Variants in RYR3 observed in about 807,000 individuals in gnomAD.
RYR3 encodes ryanodine receptor 3.
RYR3 carries 207 observed loss-of-function variants against 584.3 expected under a neutral mutation model. That is an observed-to-expected ratio of 0.35 (90% confidence interval 0.32 to 0.40). The LOEUF is 0.40. Ranked by LOEUF, RYR3 falls within the 10% of genes least tolerant of loss-of-function variation. The pLI is 1.00. For missense variants in RYR3, 5,616 were observed against 6,089.2 expected, an observed-to-expected ratio of 0.92 and a Z score of 2.59; for synonymous variants, 2,416 against 2,248.5, an observed-to-expected ratio of 1.07 and a Z score of -2.11.
intron 2 of RYR3, among the ~76,000 whole-genome samples, chr15:33,490,743 T>G (rs1432879425): frequency 1.2e-5 from 1 of 84,962 alleles, no homozygotes; most frequent in East Asian, 3.0e-4. Context: ...ATTACTCTTG[T>G]TAAAAAAAAA....
intron 99 of RYR3, 132 bp from the exon 100 acceptor site, chr15:33,859,443 G>C: frequency 1.2e-6 from 1 of 847,882 alleles, no homozygotes; most frequent in Non-Finnish European, 1.9e-6. Flanking sequence ...ATGAATACTG[G>C]CACCTCTGAA....
intron 1 of RYR3, among the ~76,000 whole-genome samples, chr15:33,435,645 G>A (rs532348181): frequency 6.6e-6 from 1 of 152,162 alleles, no homozygotes; most frequent in African/African-American, 2.4e-5. Flanking sequence ...CTAACTTCAA[G>A]AATGAAGCCA....
At chr15:33,582,074 T>C (rs877087) in intron 14 of RYR3, among the ~76,000 whole-genome samples, 77,536 of 152,106 alleles carry the variant, frequency 0.51, 20,793 homozygotes, top group African/African-American at 0.57. Flanking sequence ...GCCTGTAATT[T>C]ATTTCATTTT....
In RYR3 at chr15:33,442,734, G is replaced by C. The variant is rs569478436; in HGVS notation, c.52-30685G>C. 2.0e-5 allele frequency among the ~76,000 whole-genome samples: 3 copies of C among 152,310 alleles called. No homozygotes were observed. The South Asian group carries it at 6.2e-4, about 32-fold the overall frequency. On this transcript the variant is annotated intron_variant, in intron 1 of 103. Coordinates refer to ENST00000634891, the MANE Select transcript of RYR3 (RefSeq NM_001036.6). ...CATAGCAGTACTTCATTTATCTGGA[G>C]GGCACTCATCCAGTATCAGTAAACA...
At chr15:33,563,574 C>T (rs771420806) in intron 11 of RYR3, among the ~76,000 whole-genome samples, 17 of 152,050 alleles carry the variant, frequency 1.1e-4, no homozygotes, top group East Asian at 1.9e-4. Context: ...AGTCAATTGC[C>T]GTAACAGTGT....
chr15:33,798,283 GT>G (rs1029975560), intron 67 of RYR3, among the ~76,000 whole-genome samples: 3 of 151,936 alleles, frequency 2.0e-5, no homozygotes, highest in Non-Finnish European at 4.4e-5. Context: ...TAGACACAGG[GT>G]TTCACCACAT....
At position 33,662,884 on chromosome 15, in the gene RYR3, C is replaced by A; in HGVS notation, c.5354C>A (p.Ala1785Asp). The change falls in exon 35 of 104, where the codon GCC becomes GAC. Residue 1785 changes from alanine (A) to aspartate (D), a missense_variant. Physicochemically the swap from Ala to Asp is moderately radical, Grantham distance 126. Around this residue, in one of 9 missense-constraint regions of RYR3, gnomAD observed 753 missense variants for 741.0 expected, o/e 1.02. Transcript: ENST00000634891. ...EEKAVEAGEK[A>D]GKEAPVKGLL... is the part of the protein sequence containing the mutation. ...AAGGCTGTGGAGGCTGGGGAGAAGG[C>A]CGGCAAGGAGGCTCCTGTCAAAGGC... The A allele has an allele frequency of 6.2e-7, 1 of 1,613,534 alleles. No homozygotes were observed.
chr15:33,559,724 G>A (rs1324947427), intron 10 of RYR3, among the ~76,000 whole-genome samples: 3 of 152,274 alleles, frequency 2.0e-5, no homozygotes, highest in East Asian at 3.9e-4. Context: ...CATATCAAAG[G>A]CATGCAGCTG....
chr15:33,646,773 T>C (rs529805861), intron 29 of RYR3, among the ~76,000 whole-genome samples: 1 of 152,372 alleles, frequency 6.6e-6, no homozygotes, highest in South Asian at 2.1e-4. Flanking sequence ...AAGTTTCTGC[T>C]CTTCTTGAAC....
chr15:33,609,796 G>A lies in RYR3; in HGVS notation c.2165-3387G>A, dbSNP rs115327694. On this transcript the variant is annotated intron_variant, in intron 18 of 103. Transcript: ENST00000634891. ...TTTTAATATATAGATTTTTTTCATA[G>A]CAAGGACTTGAACAGGAGGAAGAAA... Among the ~76,000 whole-genome samples, 904 of 152,184 alleles carry A rather than the reference G, an allele frequency of 5.9e-3. 8 individuals carry two copies. The highest frequency in any genetic ancestry group is 0.021 in the African/African-American group (859 of 41,502).
At chr15:33,569,005 T>C (rs2057870282) in intron 12 of RYR3, among the ~76,000 whole-genome samples, 1 of 152,228 alleles carries the variant, frequency 6.6e-6, no homozygotes, top group African/African-American at 2.4e-5. Flanking sequence ...ACCTTTTTAT[T>C]GGTGAAGAGT....
intron 1 of RYR3, among the ~76,000 whole-genome samples, chr15:33,346,578 A>G (rs1243504964): frequency 6.6e-6 from 1 of 152,196 alleles, no homozygotes; most frequent in Non-Finnish European, 1.5e-5. Context: ...ATCCAAATGT[A>G]AGAACTGGTA....
At chr15:33,402,318 G>C (rs988122790) in intron 1 of RYR3, among the ~76,000 whole-genome samples, 1 of 152,110 alleles carries the variant, frequency 6.6e-6, no homozygotes, top group Admixed American at 6.5e-5. Flanking sequence ...AGATGAAGAA[G>C]AGCCATGAAT....
intron 1 of RYR3, among the ~76,000 whole-genome samples, chr15:33,429,756 G>C (rs2044964487): frequency 6.6e-6 from 1 of 152,182 alleles, no homozygotes; most frequent in African/African-American, 2.4e-5. Context: ...CACAAAAATG[G>C]AATGAATAAT....
At chr15:33,454,414 G>A (rs1370995104) in intron 1 of RYR3, among the ~76,000 whole-genome samples, 1 of 152,170 alleles carries the variant, frequency 6.6e-6, no homozygotes, top group African/African-American at 2.4e-5. Context: ...TGAGTATATT[G>A]GCGGTAACAT....
intron 32 of RYR3, among the ~76,000 whole-genome samples, chr15:33,653,891 C>T (rs1377497108): frequency 6.6e-6 from 1 of 152,268 alleles, no homozygotes; most frequent in Admixed American, 6.5e-5. Flanking sequence ...AGGTTATTAG[C>T]ACACTGAAAT....
chr15:33,861,450 C>T (rs1199874690), intron 102 of RYR3, among the ~76,000 whole-genome samples: 2 of 151,770 alleles, frequency 1.3e-5, no homozygotes, highest in African/African-American at 4.8e-5. Context: ...TCTTTCTCTA[C>T]TGGACTTCTT....
At chr15:33,856,810 C>T (rs2079718990) in intron 98 of RYR3, 1 of 152,278 alleles carries the variant, frequency 6.6e-6, no homozygotes, top group African/African-American at 2.4e-5. Flanking sequence ...AGGCACACAC[C>T]ACCACGCCAA....
At chr15:33,765,268 C>T (rs2072916027) in intron 60 of RYR3, among the ~76,000 whole-genome samples, 1 of 152,052 alleles carries the variant, frequency 6.6e-6, no homozygotes, top group Non-Finnish European at 1.5e-5. Context: ...CTCAGGTTCT[C>T]TCTGTATTTT....
Sources: allele counts gnomAD v4.1 joint callset (sites outside exome capture counted in the v4.1 genomes callset), GRCh38; gene constraint gnomAD v4.1.1; regional missense constraint gnomAD v4.1.1; transcripts MANE v1.5; gene names NCBI Gene and HGNC (gene_info 2026-07-23, HGNC 2026-07-21).